The following GRID1 variants were observed in gnomAD, a reference collection of about 807,000 sequenced individuals.
The protein encoded by GRID1 is glutamate ionotropic receptor delta type subunit 1.
In GRID1, 28 loss-of-function variants were observed where a neutral mutation model predicts 98.0. The observed-to-expected ratio is 0.29, with a 90% CI of 0.21 to 0.39. GRID1 has a LOEUF of 0.39. GRID1 is among the 10% of genes least tolerant of loss of function. The pLI, the probability that GRID1 is intolerant of heterozygous loss-of-function variation, is 1.00. For missense variants in GRID1, 1,111 were observed against 1,340.5 expected (o/e 0.83, Z 2.67); for synonymous variants, 553 against 538.5 (o/e 1.03, Z -0.37).
chr10:85,841,647 C>T (rs1048612716), intron 8 of GRID1, among the ~76,000 whole-genome samples: 6 of 151,316 alleles, frequency 4.0e-5, no homozygotes. Flanking sequence ...AAAAAGAAAA[C>T]ATTAAAAAGT....
chr10:85,733,074 A>C (rs963695736), intron 8 of GRID1, among the ~76,000 whole-genome samples: 2 of 152,206 alleles, frequency 1.3e-5, no homozygotes, highest in Non-Finnish European at 2.9e-5. Flanking sequence ...ACAGAATGTC[A>C]ATAGATCCAT....
intron 5 of GRID1, among the ~76,000 whole-genome samples, chr10:85,902,051 C>T (rs545353195): frequency 1.1e-4 from 16 of 152,274 alleles, no homozygotes; most frequent in East Asian, 3.9e-4. Flanking sequence ...GGTTCTTTCA[C>T]GTTTGCCATA....
chr10:85,905,500 T>C (rs925645419), intron 5 of GRID1, among the ~76,000 whole-genome samples: 6 of 152,134 alleles, frequency 3.9e-5, no homozygotes, highest in Non-Finnish European at 7.4e-5. Flanking sequence ...ATTTTCTTAT[T>C]ACTTAAATCT....
rs1348315520 is a variant in GRID1, at chr10:86,164,998, G to C, written c.521-25974C>G. The stretch of plus-strand genomic sequence containing the variant: ...CAGTGGACAGAAGCGAATGTTCAGT[G>C]GGGGGTAGGAAATTTGGGGAGTCCA... On this transcript the variant is annotated intron_variant, in intron 3 of 15. Transcript: ENST00000327946. 6.6e-5 allele frequency among the ~76,000 whole-genome samples: 10 copies of C among 152,182 alleles called. No homozygotes were observed. In the South Asian group the frequency reaches 8.3e-4, roughly 13 times the overall value.
intron 4 of GRID1, among the ~76,000 whole-genome samples, chr10:86,094,944 T>C (rs1451409784): frequency 1.3e-5 from 2 of 152,076 alleles, no homozygotes; most frequent in Non-Finnish European, 2.9e-5. Context: ...GATTTCAAAC[T>C]ATACTGTAAG....
At chr10:85,879,720 C>T (rs1318684059) in intron 5 of GRID1, among the ~76,000 whole-genome samples, 1 of 151,942 alleles carries the variant, frequency 6.6e-6, no homozygotes, top group Non-Finnish European at 1.5e-5. Context: ...AACTAGAAAA[C>T]CAAGAGCAAA....
At position 86,305,450 on chromosome 10, in the gene GRID1, G is replaced by T. The variant is rs913626412; in HGVS notation, c.235+58491C>A. ...CTTTAGGATTGTGTAAAACCCAAAA[G>T]AAAGAGTTGTTACTGCATAACCATG... On this transcript the variant is annotated intron_variant, in intron 2 of 15. Coordinates refer to ENST00000327946, the MANE Select transcript of GRID1 (RefSeq NM_017551.3). Among the ~76,000 whole-genome samples, 3 of 152,346 alleles carry T rather than the reference G, an allele frequency of 2.0e-5. No homozygotes were observed. The East Asian group carries it at 5.8e-4, about 29-fold the overall frequency.
At chr10:86,086,794 T>G (rs1184472333) in intron 4 of GRID1, among the ~76,000 whole-genome samples, 2 of 152,138 alleles carry the variant, frequency 1.3e-5, no homozygotes, top group South Asian at 2.1e-4. Flanking sequence ...TGAGTGTGTG[T>G]CAGTGCCCCC....
intron 8 of GRID1, among the ~76,000 whole-genome samples, chr10:85,823,445 A>C (rs1297842140): frequency 6.6e-6 from 1 of 152,048 alleles, no homozygotes; most frequent in African/African-American, 2.4e-5. Flanking sequence ...AAATAAACAG[A>C]AAATTAAAAA....
chr10:86,230,283 G>C (rs896247421), intron 2 of GRID1, among the ~76,000 whole-genome samples: 3 of 152,126 alleles, frequency 2.0e-5, no homozygotes, highest in African/African-American at 7.2e-5. Flanking sequence ...CTACGGAGGA[G>C]AGAGGCCACC....
chr10:85,635,786 A>G lies in GRID1; in HGVS notation c.2193+11416T>C, dbSNP rs536938306. Among the ~76,000 whole-genome samples, 19 of 152,328 alleles carry G rather than the reference A, an allele frequency of 1.2e-4. No homozygotes were observed. The South Asian group carries it at 3.9e-3, about 32-fold the overall frequency. ...CCCAGGGAAGGCTCAGGAGACGTTA[A>G]TGCTTCTGTTATGGCCTGAGGGATA... On this transcript the variant is annotated intron_variant, in intron 13 of 15. Transcript: ENST00000327946.
chr10:86,363,073 A>T (rs1008280768), intron 2 of GRID1, among the ~76,000 whole-genome samples: 3 of 152,258 alleles, frequency 2.0e-5, no homozygotes, highest in African/African-American at 7.2e-5. Flanking sequence ...CTTAACCAGG[A>T]ATCTGGAGGC....
intron 8 of GRID1, among the ~76,000 whole-genome samples, chr10:85,843,026 T>C (rs1698760274): frequency 6.6e-6 from 1 of 152,038 alleles, no homozygotes; most frequent in South Asian, 2.1e-4. Context: ...CCATAACGCC[T>C]TAGCAAATAC....
rs150988009 is a variant in GRID1, at chr10:86,116,569, T to C, written c.726+22250A>G. On this transcript the variant is annotated intron_variant, in intron 4 of 15. Transcript: ENST00000327946. The stretch of plus-strand genomic sequence containing the variant: ...CGATGGCCATCCATAAGTGGTAGAC[T>C]TCTCTAGGGCTGAGAGTACCTCTGA... Among the ~76,000 whole-genome samples the C allele has an allele frequency of 8.4e-4, 128 of 152,328 alleles. 1 individual carries two copies. Among genetic ancestry groups the C allele is most frequent in the Admixed American group, 7.5e-3 (115 of 15,306 alleles).
intron 5 of GRID1, among the ~76,000 whole-genome samples, chr10:85,912,327 C>A (rs766663725): frequency 2.6e-5 from 4 of 152,232 alleles, no homozygotes; most frequent in Non-Finnish European, 5.9e-5. Context: ...AGTGTCCCCA[C>A]AGTAGTGCCC....
chr10:85,921,376 C>A (rs1324631787), intron 4 of GRID1, among the ~76,000 whole-genome samples: 3 of 152,202 alleles, frequency 2.0e-5, no homozygotes, highest in Non-Finnish European at 4.4e-5. Context: ...AATGTGTCTC[C>A]CTGCTCGAGA....
intron 11 of GRID1, 100 bp downstream of exon 11, chr10:85,724,252 T>C (rs1048945264): frequency 2.2e-5 from 19 of 855,388 alleles, no homozygotes; most frequent in Non-Finnish European, 3.2e-5. Flanking sequence ...TAAAATTGCA[T>C]TTGGAATGAC....
At chr10:85,770,294 C>A (rs896593577) in intron 8 of GRID1, among the ~76,000 whole-genome samples, 18 of 152,116 alleles carry the variant, frequency 1.2e-4, no homozygotes, top group African/African-American at 4.1e-4. Context: ...AACTAACAAA[C>A]AGAAAGGACA....
At chr10:86,312,712 T>C (rs1472006567) in intron 2 of GRID1, among the ~76,000 whole-genome samples, 3 of 152,216 alleles carry the variant, frequency 2.0e-5, no homozygotes. Flanking sequence ...TTTTATAAAC[T>C]ATTAGGAGCT....
Sources: allele counts gnomAD v4.1 joint callset (sites outside exome capture counted in the v4.1 genomes callset), GRCh38; gene constraint gnomAD v4.1.1; transcripts MANE v1.5; gene names NCBI Gene and HGNC (gene_info 2026-07-23, HGNC 2026-07-21).